CACNA2D3: variants seen among roughly 807,000 people sequenced by gnomAD.
CACNA2D3 encodes the protein calcium voltage-gated channel auxiliary subunit alpha2delta 3.
Under a neutral mutation model 160.6 loss-of-function variants are expected in CACNA2D3, and 60 were observed. The observed-to-expected ratio is 0.37, with a 90% CI of 0.30 to 0.46. CACNA2D3 has a LOEUF of 0.46. Ranked by LOEUF, CACNA2D3 falls within the 20% of genes least tolerant of loss-of-function variation. The probability of loss-of-function intolerance (pLI) is 1.00; values close to 1 mark genes in which losing one functional copy is unlikely to be tolerated. For missense variants in CACNA2D3, 1,205 were observed against 1,365.0 expected (o/e 0.88, Z 1.85); for synonymous variants, 558 against 492.9 (o/e 1.13, Z -1.75).
intron 4 of CACNA2D3, among the ~76,000 whole-genome samples, chr3:54,458,275 T>C (rs1700435231): frequency 6.6e-6 from 1 of 152,156 alleles, no homozygotes; most frequent in Admixed American, 6.6e-5. Flanking sequence ...TGTAGTTTCA[T>C]GTGTTTTCAT....
chr3:54,918,936 A>G lies in CACNA2D3; in HGVS notation c.2449+19068A>G, dbSNP rs79092899. ...AAGAACAATAACAAAGCCTTGATAC[A>G]ACAGAGTTCCAAAATCCTCTGCCTG... On this transcript the variant is annotated intron_variant, in intron 27 of 37. Coordinates refer to ENST00000474759, the MANE Select transcript of CACNA2D3 (RefSeq NM_018398.3). 191 of 1,447,860 alleles carry G rather than the reference A, an allele frequency of 1.3e-4. No individual in the cohort carries two copies. The African/African-American group carries it at 2.5e-3, about 19-fold the overall frequency. The allele number at this position is 1,447,860 out of a possible 1,614,324, so 89.7% of individuals were successfully genotyped here. A position where few individuals can be genotyped will look rare whatever the true frequency, so the allele number is the denominator to read the frequency against.
At chr3:54,218,749 G>A (rs1364453283) in intron 2 of CACNA2D3, among the ~76,000 whole-genome samples, 1 of 152,156 alleles carries the variant, frequency 6.6e-6, no homozygotes, top group African/African-American at 2.4e-5. Context: ...GCAGATCTCT[G>A]TTCCTTCTGG....
chr3:54,631,846 T>A (rs893782064), intron 10 of CACNA2D3, among the ~76,000 whole-genome samples: 1 of 152,236 alleles, frequency 6.6e-6, no homozygotes, highest in Non-Finnish European at 1.5e-5. Context: ...ACTGCAATTA[T>A]CATTTTTGGC....
intron 9 of CACNA2D3, among the ~76,000 whole-genome samples, chr3:54,603,425 C>A (rs1322534535): frequency 6.6e-6 from 1 of 152,204 alleles, no homozygotes; most frequent in Non-Finnish European, 1.5e-5. Flanking sequence ...CTGGGGTATC[C>A]TTAGGGGTCT....
intron 27 of CACNA2D3, among the ~76,000 whole-genome samples, chr3:54,954,664 C>A (rs537909414): frequency 6.6e-6 from 1 of 152,120 alleles, no homozygotes; most frequent in African/African-American, 2.4e-5. Flanking sequence ...CCAGGCAGTT[C>A]CCCTGTTTTT....
chr3:54,660,817 C>T (rs552292510), intron 11 of CACNA2D3, among the ~76,000 whole-genome samples: 1 of 152,302 alleles, frequency 6.6e-6, no homozygotes, highest in East Asian at 1.9e-4. Flanking sequence ...TCCCTCCCTC[C>T]CAAGATCTCC....
intron 3 of CACNA2D3, chr3:54,385,917 C>A (rs772189878): frequency 7.9e-6 from 4 of 507,682 alleles, no homozygotes; most frequent in Non-Finnish European, 1.6e-5. Context: ...AATATTATTT[C>A]ACCAAATGAG....
At chr3:54,879,183 G>A (rs1014041300) in intron 19 of CACNA2D3, 94 bp downstream of exon 19, 34 of 921,106 alleles carry the variant, frequency 3.7e-5, no homozygotes, top group African/African-American at 8.4e-5. Context: ...AATATCTTTC[G>A]CTGAGATCAT....
intron 9 of CACNA2D3, among the ~76,000 whole-genome samples, chr3:54,587,789 C>A (rs1702788731): frequency 6.6e-6 from 1 of 152,108 alleles, no homozygotes; most frequent in Admixed American, 6.6e-5. Flanking sequence ...CTAGACTAAT[C>A]CTATAACTAT....
At chr3:54,903,569 A>T (rs1417481493) in intron 27 of CACNA2D3, among the ~76,000 whole-genome samples, 2 of 152,226 alleles carry the variant, frequency 1.3e-5, no homozygotes, top group African/African-American at 4.8e-5. Flanking sequence ...TCGGGTATAT[A>T]CCCAGAAATG....
intron 3 of CACNA2D3, among the ~76,000 whole-genome samples, chr3:54,364,093 CAGAG>C (rs1180025035): frequency 6.6e-6 from 1 of 152,204 alleles, no homozygotes; most frequent in Non-Finnish European, 1.5e-5. Context: ...AGCCAGCTCT[CAGAG>C]AGGGTTTGGT....
At chr3:54,280,373 G>A (rs543631462) in intron 2 of CACNA2D3, among the ~76,000 whole-genome samples, 238 of 152,220 alleles carry the variant, frequency 1.6e-3, no homozygotes, top group African/African-American at 5.0e-3. Flanking sequence ...GAGCCACCGC[G>A]CCTGGCCTGT....
rs187113334 is a variant in CACNA2D3, at chr3:54,357,041, G to A, written c.322-29674G>A. 4.1e-4 allele frequency among the ~76,000 whole-genome samples: 62 copies of A among 152,232 alleles called. No homozygotes were observed. In the South Asian group the frequency reaches 8.9e-3, roughly 22 times the overall value. ...GGGCTGCCATGATTGGGGACTCACC[G>A]TGAAAGGTGACCACACATGGCTCCT... On this transcript the variant is annotated intron_variant, in intron 3 of 37. Transcript: ENST00000474759.
Position 54,457,651 on chromosome 3 carries a change from G to A in CACNA2D3, c.382-45841G>A, listed in dbSNP as rs901440658. Among the ~76,000 whole-genome samples, 3 of 151,902 alleles carry A rather than the reference G, an allele frequency of 2.0e-5. No homozygotes were observed. The South Asian group carries it at 6.2e-4, about 32-fold the overall frequency. The stretch of plus-strand genomic sequence containing the variant: ...TGATCTGTCCAGTACTGAGAGTGGG[G>A]TTTGGAAGTCCCCAGATTTTATTGT... On this transcript the variant is annotated intron_variant, in intron 4 of 37. Transcript: ENST00000474759.
rs1400108009 is a variant in CACNA2D3, at chr3:54,556,610, AGAT to A, written c.545-6187_545-6185del. On this transcript the variant is annotated intron_variant, in intron 5 of 37. Coordinates refer to ENST00000474759, the MANE Select transcript of CACNA2D3 (RefSeq NM_018398.3). ...AATTCAGTACCTTAAACCTCTAAAA[AGAT>A]GAGAGGTGGAGGTACAAGTCAAGGC... 3.3e-5 allele frequency among the ~76,000 whole-genome samples: 5 copies of A among 152,330 alleles called. No individual in the cohort carries two copies. In the East Asian group the frequency reaches 9.7e-4, roughly 29 times the overall value.
chr3:54,308,947 A>G (rs1360334144), intron 2 of CACNA2D3, among the ~76,000 whole-genome samples: 9 of 152,216 alleles, frequency 5.9e-5, no homozygotes, highest in Non-Finnish European at 7.3e-5. Context: ...GTACAATAAC[A>G]TTTTATTATT....
intron 2 of CACNA2D3, among the ~76,000 whole-genome samples, chr3:54,125,810 C>G (rs920328677): frequency 6.6e-6 from 1 of 152,138 alleles, no homozygotes; most frequent in Admixed American, 6.5e-5. Context: ...GGAGACATAA[C>G]ATCATTTGGA....
At chr3:54,614,287 T>A (rs1396834136) in intron 9 of CACNA2D3, among the ~76,000 whole-genome samples, 1 of 152,214 alleles carries the variant, frequency 6.6e-6, no homozygotes, top group Non-Finnish European at 1.5e-5. Flanking sequence ...AGGATAGAAT[T>A]TGAATTCTCA....
intron 27 of CACNA2D3, among the ~76,000 whole-genome samples, chr3:54,947,922 A>T (rs911482744): frequency 6.6e-6 from 1 of 152,180 alleles, no homozygotes; most frequent in Non-Finnish European, 1.5e-5. Flanking sequence ...CCAGAGCAAC[A>T]TGGCCTCTGT....
Sources: allele counts gnomAD v4.1 joint callset (sites outside exome capture counted in the v4.1 genomes callset), GRCh38; gene constraint gnomAD v4.1.1; transcripts MANE v1.5; gene names NCBI Gene and HGNC (gene_info 2026-07-23, HGNC 2026-07-21).